The following CWC27 variants were observed in gnomAD, a reference collection of about 807,000 sequenced individuals.
The protein encoded by CWC27 is spliceosome-associated protein CWC27 homolog.
Under a neutral mutation model 63.6 loss-of-function variants are expected in CWC27, and 47 were observed. That is an observed-to-expected ratio of 0.74 (90% confidence interval 0.58 to 0.94). The LOEUF is 0.94. Among genes scored for constraint, CWC27 ranks in the 40% least tolerant of loss-of-function variants. CWC27 has a pLI of 0.00. For missense variants in CWC27, 495 were observed against 554.3 expected (o/e 0.89, Z 1.07); for synonymous variants, 175 against 179.8 (o/e 0.97, Z 0.22).
At chr5:64,894,078 C>T (rs1293924414) in intron 11 of CWC27, among the ~76,000 whole-genome samples, 1 of 151,922 alleles carries the variant, frequency 6.6e-6, no homozygotes, top group African/African-American at 2.4e-5. Context: ...TACAGGAGCC[C>T]GCCACCATAC....
chr5:64,813,977 C>T (rs758683006), intron 10 of CWC27, among the ~76,000 whole-genome samples: 1 of 152,168 alleles, frequency 6.6e-6, no homozygotes, highest in Middle Eastern at 3.2e-3. Flanking sequence ...CTTGTCCAAC[C>T]CGTGGCCCAT....
intron 10 of CWC27, among the ~76,000 whole-genome samples, chr5:64,864,222 T>C (rs761382191): frequency 3.3e-5 from 5 of 152,338 alleles, no homozygotes; most frequent in Admixed American, 6.5e-5. Flanking sequence ...TTCAATATGA[T>C]TACATAAATG....
In CWC27 at chr5:64,769,111, C is replaced by G. The variant is rs761460877; in HGVS notation, c.-36C>G. The G allele has an allele frequency of 1.5e-5, 24 of 1,605,326 alleles. No individual in the cohort carries two copies. The highest frequency in any genetic ancestry group is 2.0e-5 in the Non-Finnish European group (24 of 1,172,918). On this transcript the variant is annotated 5_prime_UTR_variant, in exon 1 of 14. In the 5' UTR this introduces an upstream ATG that the reference lacks. Transcript: ENST00000381070. The stretch of plus-strand genomic sequence containing the variant: ...TTAGTGGCCGGCCGGCCGCTCTCAT[C>G]CCCCGTAAGGAGCAGAGTCCTTTGT...
chr5:64,913,527 A>G (rs1253477002), intron 11 of CWC27, among the ~76,000 whole-genome samples: 1 of 152,084 alleles, frequency 6.6e-6, no homozygotes, highest in Admixed American at 6.5e-5. Context: ...CTGAGTATAA[A>G]TTCAGTATAC....
At chr5:64,931,551 C>G (rs1748236616) in intron 11 of CWC27, among the ~76,000 whole-genome samples, 1 of 151,736 alleles carries the variant, frequency 6.6e-6, no homozygotes. Flanking sequence ...TTTTACCCAA[C>G]TAATCTTAAT....
intron 11 of CWC27, among the ~76,000 whole-genome samples, chr5:64,916,903 G>T (rs780843499): frequency 3.3e-5 from 5 of 151,236 alleles, no homozygotes; most frequent in African/African-American, 1.2e-4. Flanking sequence ...AGTAGTAGTA[G>T]TAGTAGTAGT....
At chr5:64,916,693 C>T (rs1041795482) in intron 11 of CWC27, among the ~76,000 whole-genome samples, 2 of 152,152 alleles carry the variant, frequency 1.3e-5, no homozygotes, top group Non-Finnish European at 2.9e-5. Context: ...TCATCAGGGG[C>T]AGAACCTGTT....
chr5:64,987,239 G>A (rs547373192), intron 13 of CWC27, among the ~76,000 whole-genome samples: 1 of 152,070 alleles, frequency 6.6e-6, no homozygotes, highest in South Asian at 2.1e-4. Context: ...TCTGAATAGT[G>A]TTTTGTTTCA....
intron 11 of CWC27, among the ~76,000 whole-genome samples, chr5:64,894,839 T>G (rs1747329208): frequency 6.6e-6 from 1 of 152,160 alleles, no homozygotes; most frequent in South Asian, 2.1e-4. Flanking sequence ...TCTCACAAAG[T>G]TCATGGAAGA....
Position 64,769,144 on chromosome 5 carries a change from A to G in CWC27, c.-3A>G, listed in dbSNP as rs374415915. ...AGGAGCAGAGTCCTTTGTACTGACC[A>G]AGATGAGCAACATCTACATCCAGGA... is the stretch of plus-strand genomic sequence containing the variant. On this transcript the variant is annotated 5_prime_UTR_variant, in exon 1 of 14. Coordinates refer to ENST00000381070, the MANE Select transcript of CWC27 (RefSeq NM_005869.4). 5 of 1,614,050 alleles carry G rather than the reference A, an allele frequency of 3.1e-6. No individual in the cohort carries two copies. Among genetic ancestry groups the G allele is most frequent in the Non-Finnish European group, 2.5e-6 (3 of 1,179,950 alleles).
chr5:64,785,605 C>A, intron 5 of CWC27, 26 bp downstream of exon 5: 1 of 1,360,846 alleles, frequency 7.3e-7, no homozygotes, highest in Non-Finnish European at 1.0e-6. Flanking sequence ...TTACGAGATA[C>A]AGCACTTACA....
intron 11 of CWC27, among the ~76,000 whole-genome samples, chr5:64,906,016 T>C (rs79650044): frequency 6.7e-6 from 1 of 148,424 alleles, no homozygotes; most frequent in Non-Finnish European, 1.5e-5. Context: ...ACTCATCCTT[T>C]TTTTATGGCT....
At chr5:64,862,382 CCCTAGAAG>C (rs1561438514) in intron 10 of CWC27, among the ~76,000 whole-genome samples, 6 of 140,208 alleles carry the variant, frequency 4.3e-5, no homozygotes, top group Non-Finnish European at 9.4e-5. Context: ...ACAAACAAAA[CCCTAGAAG>C]AAAACACTCA....
At chr5:64,913,452 T>C (rs902602935) in intron 11 of CWC27, among the ~76,000 whole-genome samples, 14 of 152,036 alleles carry the variant, frequency 9.2e-5, no homozygotes, top group Non-Finnish European at 1.5e-5. Flanking sequence ...GGTACAATTA[T>C]GTACATACAA....
intron 10 of CWC27, among the ~76,000 whole-genome samples, chr5:64,850,546 G>A (rs923855216): frequency 3.3e-5 from 5 of 152,112 alleles, no homozygotes; most frequent in Admixed American, 2.6e-4. Flanking sequence ...GGTAACAAAC[G>A]CAAAAATAGA....
intron 10 of CWC27, among the ~76,000 whole-genome samples, chr5:64,861,894 A>G (rs1293738582): frequency 6.6e-6 from 1 of 152,214 alleles, no homozygotes; most frequent in Admixed American, 6.5e-5. Context: ...CTATTTAAAG[A>G]CTAAATATGA....
At chr5:64,776,306 G>A (rs1252807831) in intron 2 of CWC27, among the ~76,000 whole-genome samples, 1 of 152,036 alleles carries the variant, frequency 6.6e-6, no homozygotes, top group Non-Finnish European at 1.5e-5. Context: ...AAAAGCTCAA[G>A]TTTTACAGAA....
At chr5:64,996,277 T>A (rs1470818002) in intron 13 of CWC27, among the ~76,000 whole-genome samples, 2 of 152,060 alleles carry the variant, frequency 1.3e-5, no homozygotes, top group African/African-American at 4.8e-5. Context: ...AAAATCCCCC[T>A]CCAAAAACAT....
At chr5:64,957,110 C>A (rs559306836) in intron 11 of CWC27, among the ~76,000 whole-genome samples, 1 of 152,266 alleles carries the variant, frequency 6.6e-6, no homozygotes, top group South Asian at 2.1e-4. Context: ...TTTGTAAATT[C>A]TTATAACTAC....
Sources: gnomAD v4.1 joint callset for allele counts (sites outside exome capture counted in the v4.1 genomes callset) on GRCh38, gnomAD v4.1.1 for gene constraint, MANE v1.5 for transcripts, NCBI Gene and HGNC (gene_info 2026-07-23, HGNC 2026-07-21) for gene names.